The following ZNF503 variants were observed in gnomAD, a reference collection of about 807,000 sequenced individuals.
ZNF503 encodes zinc finger protein 503.
In ZNF503, 15 loss-of-function variants were observed where a neutral mutation model predicts 34.4. The ratio of observed to expected loss-of-function variants is 0.44; its 90% CI spans 0.29 to 0.67. The LOEUF is 0.67. ZNF503 is among the 30% of genes least tolerant of loss of function. ZNF503 has a pLI of 0.13. For missense variants in ZNF503, 1,007 were observed against 926.8 expected (o/e 1.09, Z -1.12); for synonymous variants, 580 against 456.8 (o/e 1.27, Z -3.44).
the ZNF503 span, among the ~76,000 whole-genome samples, chr10:75,383,232 T>G: frequency 6.6e-6 from 1 of 152,162 alleles, no homozygotes; most frequent in Non-Finnish European, 1.5e-5. Context: ...AGCACACACC[T>G]TGCAGCCTCT....
At position 75,399,344 on chromosome 10, in the gene ZNF503, G is replaced by A. The variant is rs1043313899; in HGVS notation, c.1346C>T (p.Ala449Val). 6.2e-6 allele frequency: 10 copies of A among 1,604,754 alleles called. No homozygotes were observed. The highest frequency in any genetic ancestry group is 1.7e-5 in the Admixed American group (1 of 59,552). ...SHLAGAAAAS[A>V]SCAHDPAAAA... ...AGCAGCCGGATCATGTGCGCAAGAAGCGCTGGCGGCCGCCGCCCCTGCCAG... is the reference window on the plus strand; with the variant it reads ...AGCAGCCGGATCATGTGCGCAAGAAACGCTGGCGGCCGCCGCCCCTGCCAG... The change falls in exon 2 of 2, where the codon GCT (alanine) becomes GTT (valine). Residue 449 changes from alanine (A) to valine (V), a missense_variant. Coordinates refer to ENST00000372524, the MANE Select transcript of ZNF503 (RefSeq NM_032772.6).
Position 75,398,653 on chromosome 10 carries a change from C to T in ZNF503, c.*96G>A. On this transcript the variant is annotated 3_prime_UTR_variant, in exon 2 of 2. Coordinates refer to ENST00000372524, the MANE Select transcript of ZNF503 (RefSeq NM_032772.6). ...TTTCGTGGCCCGAGTCCTCCCCACG[C>T]GCGGGTGTCAGCAGCCTGGGCCGTG... 8.7e-7 allele frequency: 1 copy of T among 1,155,870 alleles called. No homozygotes were observed. Among genetic ancestry groups the T allele is most frequent in the Non-Finnish European group, 1.1e-6 (1 of 902,746 alleles). The allele number at this position is 1,155,870 out of a possible 1,614,324, so 71.6% of individuals were successfully genotyped here.
At position 75,401,489 on chromosome 10, in the gene ZNF503, G is replaced by A; in HGVS notation, c.-70C>T. 1 of 1,469,944 alleles carries A rather than the reference G, an allele frequency of 6.8e-7. No individual in the cohort carries two copies. The highest frequency in any genetic ancestry group is 9.0e-7 in the Non-Finnish European group (1 of 1,116,282). The allele number at this position is 1,469,944 out of a possible 1,614,324, so 91.1% of individuals were successfully genotyped here. A position where few individuals can be genotyped will look rare whatever the true frequency, so the allele number is the denominator to read the frequency against. On this transcript the variant is annotated 5_prime_UTR_variant, in exon 1 of 2. Transcript: ENST00000372524. Reference sequence around the variant, plus strand: ...AGGCGCGGGGCGGGCTCGGGGCTGCGCGCTCGCCCCGGGAGCAGGAGCAGC... The same window carrying A: ...AGGCGCGGGGCGGGCTCGGGGCTGCACGCTCGCCCCGGGAGCAGGAGCAGC...
At chr10:75,329,155 A>AT in the ZNF503 span, among the ~76,000 whole-genome samples, 4,708 of 151,744 alleles carry the variant, frequency 0.031, 238 homozygotes, top group African/African-American at 0.11. Context: ...TAGGTGTTTG[A>AT]TTTTTTTGTG....
At chr10:75,339,397 G>A in the ZNF503 span, among the ~76,000 whole-genome samples, 58 of 152,278 alleles carry the variant, frequency 3.8e-4, 1 homozygote, top group African/African-American at 9.4e-4. Context: ...CAAAGGCACC[G>A]GGTCACTTGG....
At chr10:75,325,862 CTTTT>C in the ZNF503 span, among the ~76,000 whole-genome samples, 1 of 145,972 alleles carries the variant, frequency 6.9e-6, no homozygotes, top group African/African-American at 2.5e-5. Flanking sequence ...AATGGTATTG[CTTTT>C]TTTTTTTTTT....
the ZNF503 span, among the ~76,000 whole-genome samples, chr10:75,314,236 C>CAAAAAAAAAAAAA: frequency 1.1e-5 from 1 of 89,808 alleles, no homozygotes; most frequent in Non-Finnish European, 2.2e-5. Context: ...GACTCCGTCT[C>CAAAAAAAAAAAAA]AAAAAAAAAA....
the ZNF503 span, among the ~76,000 whole-genome samples, chr10:75,368,164 G>C: frequency 6.6e-6 from 1 of 152,134 alleles, no homozygotes; most frequent in Non-Finnish European, 1.5e-5. Flanking sequence ...CTAGCTCTGT[G>C]GTCTCCATGG....
At chr10:75,379,953 C>T in the ZNF503 span, among the ~76,000 whole-genome samples, 1 of 152,180 alleles carries the variant, frequency 6.6e-6, no homozygotes, top group African/African-American at 2.4e-5. Context: ...GTGCACGCCA[C>T]ACACCCACAG....
rs757434787 is a variant in ZNF503, at chr10:75,401,233, A to AG, written c.186dup (p.Ser63LeufsTer2). The stretch of plus-strand genomic sequence containing the variant: ...CGGTTGGCCTGGCGCAGGGGGTCAG[A>AG]GGGGGGCACGGCGTGCACAAAAGGC... On this transcript the variant is annotated frameshift_variant, in exon 1 of 2. Transcript: ENST00000372524. LOFTEE classifies it high-confidence loss of function. The AG allele has an allele frequency of 2.5e-6, 4 of 1,608,150 alleles. No individual in the cohort carries two copies. The highest frequency in any genetic ancestry group is 2.7e-5 in the African/African-American group (2 of 74,736).
chr10:75,294,448 C>T, the ZNF503 span, among the ~76,000 whole-genome samples: 2 of 152,228 alleles, frequency 1.3e-5, no homozygotes, highest in African/African-American at 4.8e-5. Context: ...CCTAGTTCCA[C>T]ATGAGGTTTC....
the ZNF503 span, among the ~76,000 whole-genome samples, chr10:75,310,367 T>A: frequency 6.6e-6 from 1 of 152,180 alleles, no homozygotes; most frequent in Non-Finnish European, 1.5e-5. Context: ...CAACTCAGAA[T>A]TGCCAAAGAG....
At chr10:75,310,988 T>C in the ZNF503 span, among the ~76,000 whole-genome samples, 1 of 152,134 alleles carries the variant, frequency 6.6e-6, no homozygotes, top group African/African-American at 2.4e-5. Context: ...AAAAAGACAA[T>C]TGTTTTAGCC....
chr10:75,393,736 G>C (rs1843668697), downstream of ZNF503, among the ~76,000 whole-genome samples: 1 of 152,112 alleles, frequency 6.6e-6, no homozygotes, highest in African/African-American at 2.4e-5. Context: ...GTGCACGTCT[G>C]TAATTTTAGC....
chr10:75,300,704 C>CT, the ZNF503 span, among the ~76,000 whole-genome samples: 32,993 of 107,420 alleles, frequency 0.31, 6,408 homozygotes, highest in South Asian at 0.51. Flanking sequence ...TTCTTTCTTT[C>CT]TTTTTTTTTT....
At position 75,399,094 on chromosome 10, in the gene ZNF503, G is replaced by C; in HGVS notation, c.1596C>G (p.Ser532=). 2.5e-6 allele frequency: 4 copies of C among 1,613,712 alleles called. No individual in the cohort carries two copies. The highest frequency in any genetic ancestry group is 1.3e-5 in the African/African-American group (1 of 75,050). Residue 532 remains serine, a synonymous_variant, in exon 2 of 2, where the codon TCC becomes TCG. Coordinates refer to ENST00000372524, the MANE Select transcript of ZNF503 (RefSeq NM_032772.6). ...TCCGCAAGTGGCTCAGCAGCTCTTC[G>C]GACGTGGCGAAGCGCTTGTCGCACG... ...NGPCDKRFAT[S]EELLSHLRTH...
At chr10:75,396,890 T>C (rs1410982344), downstream of ZNF503, among the ~76,000 whole-genome samples, 3 of 151,822 alleles carry the variant, frequency 2.0e-5, no homozygotes, top group African/African-American at 7.3e-5. This position sits in a 1 kb window ranked among gnomAD's most constrained non-coding sequence, Gnocchi z 4.4. Context: ...CTTCGGCGCT[T>C]CGGGCAGCTC....
chr10:75,304,383 G>A, the ZNF503 span, among the ~76,000 whole-genome samples: 1 of 152,122 alleles, frequency 6.6e-6, no homozygotes, highest in Admixed American at 6.5e-5. Flanking sequence ...TAGTAAACTT[G>A]GTTATTAGTG....
the ZNF503 span, among the ~76,000 whole-genome samples, chr10:75,363,253 T>G: frequency 6.6e-6 from 1 of 152,186 alleles, no homozygotes; most frequent in Non-Finnish European, 1.5e-5. Context: ...AGGATGGAGC[T>G]GAGCAGACCT....
Sources: gnomAD v4.1 joint callset for allele counts (sites outside exome capture counted in the v4.1 genomes callset) on GRCh38, gnomAD v4.1.1 for gene constraint, Gnocchi (gnomAD v3.1) non-coding constraint, MANE v1.5 for transcripts, NCBI Gene and HGNC (gene_info 2026-07-23, HGNC 2026-07-21) for gene names.